The following MGAT4C variants were observed in gnomAD, a reference collection of about 807,000 sequenced individuals.
MGAT4C encodes the protein alpha-1,3-mannosyl-glycoprotein 4-beta-N-acetylglucosaminyltransferase C.
Under a neutral mutation model 40.1 loss-of-function variants are expected in MGAT4C, and 19 were observed. The ratio of observed to expected loss-of-function variants is 0.47; its 90% CI spans 0.33 to 0.70. The LOEUF (loss-of-function observed/expected upper bound fraction) is 0.70. Ranked by LOEUF, MGAT4C falls within the 30% of genes least tolerant of loss-of-function variation. The pLI is 0.02. For missense variants in MGAT4C, 491 were observed against 563.2 expected (o/e 0.87, Z 1.30); for synonymous variants, 181 against 187.1 (o/e 0.97, Z 0.27).
intron 2 of MGAT4C, among the ~76,000 whole-genome samples, chr12:86,044,276 G>A (rs1282541270): frequency 2.6e-5 from 4 of 152,196 alleles, no homozygotes; most frequent in African/African-American, 7.2e-5. Context: ...CCAGACTGCA[G>A]TCCATAACAA....
chr12:86,472,785 C>G (rs1269291819), intron 2 of MGAT4C, among the ~76,000 whole-genome samples: 1 of 151,726 alleles, frequency 6.6e-6, no homozygotes, highest in Non-Finnish European at 1.5e-5. Flanking sequence ...AAGTGACCAA[C>G]AAGTATAAAT....
intron 1 of MGAT4C, among the ~76,000 whole-genome samples, chr12:86,050,395 G>C (rs1892787887): frequency 6.6e-6 from 1 of 151,966 alleles, no homozygotes; most frequent in Non-Finnish European, 1.5e-5. Context: ...TTAAAATTAT[G>C]TGTATTTTCT....
intron 2 of MGAT4C, among the ~76,000 whole-genome samples, chr12:86,004,706 G>A (rs975239665): frequency 6.6e-6 from 1 of 152,126 alleles, no homozygotes; most frequent in South Asian, 2.1e-4. Context: ...TTGACAGTTT[G>A]TTGGTTCTTA....
chr12:86,631,671 A>C (rs970258682), intron 2 of MGAT4C, among the ~76,000 whole-genome samples: 10 of 152,080 alleles, frequency 6.6e-5, no homozygotes, highest in African/African-American at 2.4e-4. Flanking sequence ...TCCCTATTTA[A>C]TAAATGGTGC....
At position 85,956,090 on chromosome 12, in the gene MGAT4C, T is replaced by C. The variant is rs1592571418; in HGVS notation, c.*23199A>G. ...GATTAATGAAAAATCACGACTGAAATCACTCTTTCAATAACAAAAGATATA... is the reference window on the plus strand; with the variant it reads ...GATTAATGAAAAATCACGACTGAAACCACTCTTTCAATAACAAAAGATATA... On this transcript the variant is annotated 3_prime_UTR_variant, in exon 5 of 5. Transcript: ENST00000611864. 1 of 152,312 alleles carries C rather than the reference T, an allele frequency of 6.6e-6. No individual in the cohort carries two copies. Among genetic ancestry groups the C allele is most frequent in the Middle Eastern group, 3.4e-3 (1 of 294 alleles). The allele number at this position is 152,312 out of a possible 1,614,324, so 9.4% of individuals were successfully genotyped here. A position where few individuals can be genotyped will look rare whatever the true frequency, so the allele number is the denominator to read the frequency against.
chr12:86,701,693 G>A (rs1193814861), intron 2 of MGAT4C, among the ~76,000 whole-genome samples: 1 of 152,102 alleles, frequency 6.6e-6, no homozygotes, highest in African/African-American at 2.4e-5. Flanking sequence ...ACATGAGTAA[G>A]CTTAGTAAGG....
chr12:86,203,886 G>A (rs1046709301), intron 1 of MGAT4C, among the ~76,000 whole-genome samples: 28 of 151,126 alleles, frequency 1.9e-4, no homozygotes, highest in African/African-American at 6.6e-4. Flanking sequence ...GAACCCGGGA[G>A]GCAGAGGTTG....
intron 2 of MGAT4C, among the ~76,000 whole-genome samples, chr12:86,469,590 T>C (rs1219820459): frequency 1.3e-5 from 2 of 152,128 alleles, no homozygotes; most frequent in Admixed American, 1.3e-4. Flanking sequence ...AAGAGACTGT[T>C]AGATTGGTAC....
chr12:85,961,063 T>C lies in MGAT4C; in HGVS notation c.*18226A>G, dbSNP rs2136642153. 1 of 152,082 alleles carries C rather than the reference T, an allele frequency of 6.6e-6. No individual in the cohort carries two copies. 9.4% of individuals were successfully genotyped at this position (152,082 alleles called of 1,614,324 possible). On this transcript the variant is annotated 3_prime_UTR_variant, in exon 5 of 5. Transcript: ENST00000611864. ...TTTGAAAACAATATTCTCCTTGTAATATATGTGCCACCAGGGCAAGAATTA... is the reference window on the plus strand; with the variant it reads ...TTTGAAAACAATATTCTCCTTGTAACATATGTGCCACCAGGGCAAGAATTA...
chr12:86,501,272 T>C (rs915932158), intron 2 of MGAT4C, among the ~76,000 whole-genome samples: 2 of 152,136 alleles, frequency 1.3e-5, no homozygotes, highest in African/African-American at 4.8e-5. Context: ...TTATCTTCAT[T>C]ACATTGGAAT....
intron 2 of MGAT4C, among the ~76,000 whole-genome samples, chr12:86,588,645 C>A (rs1961176425): frequency 6.6e-6 from 1 of 151,952 alleles, no homozygotes; most frequent in Non-Finnish European, 1.5e-5. Context: ...TGACCACATA[C>A]TTGGAAGTAA....
chr12:86,435,185 T>C (rs779572975), exon 3 of MGAT4C: 1 of 151,978 alleles, frequency 6.6e-6, no homozygotes, highest in Admixed American at 6.6e-5. Flanking sequence ...AACCTTGCTA[T>C]AGCGTTTTCT....
chr12:86,174,817 C>A (rs1371782605), intron 1 of MGAT4C, among the ~76,000 whole-genome samples: 1 of 152,122 alleles, frequency 6.6e-6, no homozygotes, highest in Non-Finnish European at 1.5e-5. Context: ...ATTTGGTACT[C>A]ACTCGTATTT....
chr12:86,741,068 T>C (rs999590166), intron 1 of MGAT4C, among the ~76,000 whole-genome samples: 10 of 151,140 alleles, frequency 6.6e-5, no homozygotes, highest in African/African-American at 4.8e-5. Flanking sequence ...GTACTCAATG[T>C]TTAGCTCCCG....
intron 2 of MGAT4C, among the ~76,000 whole-genome samples, chr12:86,533,943 C>A (rs552950672): frequency 1.3e-5 from 2 of 151,912 alleles, no homozygotes; most frequent in South Asian, 2.1e-4. Flanking sequence ...CAATAAGATA[C>A]CAAATTCCAA....
At chr12:86,476,476 T>C (rs371223483) in intron 2 of MGAT4C, among the ~76,000 whole-genome samples, 1 of 152,084 alleles carries the variant, frequency 6.6e-6, no homozygotes, top group African/African-American at 2.4e-5. Context: ...TATACTGTTG[T>C]TGGGAATATA....
chr12:86,440,396 G>C (rs933289059), intron 2 of MGAT4C, among the ~76,000 whole-genome samples: 2 of 151,832 alleles, frequency 1.3e-5, no homozygotes. Flanking sequence ...AATCTCAATA[G>C]ACATAGAAAA....
intron 1 of MGAT4C, among the ~76,000 whole-genome samples, chr12:86,167,338 G>A (rs1254585565): frequency 1.3e-5 from 2 of 152,142 alleles, no homozygotes; most frequent in African/African-American, 4.8e-5. Flanking sequence ...TATTACAAAT[G>A]TTTTGAGAAG....
At chr12:86,102,580 T>A (rs1217678457) in intron 1 of MGAT4C, among the ~76,000 whole-genome samples, 1 of 152,046 alleles carries the variant, frequency 6.6e-6, no homozygotes, top group Admixed American at 6.6e-5. Flanking sequence ...TATTTTTAGT[T>A]CTCTAATCCA....
Sources: gnomAD v4.1 joint callset for allele counts (sites outside exome capture counted in the v4.1 genomes callset) on GRCh38, gnomAD v4.1.1 for gene constraint, MANE v1.5 for transcripts, NCBI Gene and HGNC (gene_info 2026-07-23, HGNC 2026-07-21) for gene names.